Variants in SH3PXD2B observed in about 807,000 individuals in gnomAD.
SH3PXD2B encodes SH3 and PX domains 2B.
A neutral mutation model predicts 73.1 loss-of-function variants in SH3PXD2B; 37 were observed. That is an observed-to-expected ratio of 0.51 (90% CI 0.39 to 0.67). SH3PXD2B has a LOEUF of 0.67. Ranked by LOEUF, SH3PXD2B falls within the 30% of genes least tolerant of loss-of-function variation. The probability of loss-of-function intolerance (pLI) is 0.00; values close to 1 mark genes in which losing one functional copy is unlikely to be tolerated. For synonymous variants in SH3PXD2B, 457 were observed against 480.5 expected (o/e 0.95, Z 0.64); for missense variants, 1,053 against 1,197.8 (o/e 0.88, Z 1.78).
chr5:172,406,346 T>A lies in SH3PXD2B; in HGVS notation c.163A>T (p.Met55Leu), dbSNP rs776875653. 2 of 1,614,070 alleles carry A rather than the reference T, an allele frequency of 1.2e-6. No individual in the cohort carries two copies. The highest frequency in any genetic ancestry group is 3.3e-5 in the Admixed American group (2 of 60,010). Residue 55 changes from methionine (M) to leucine (L), a missense_variant, in exon 3 of 13, where the codon ATG becomes TTG. By Grantham distance (15) the Met-to-Leu change is conservative. This residue lies in a region of SH3PXD2B where 466 missense variants were observed against 607.1 expected (regional missense o/e 0.77). Coordinates refer to ENST00000311601, the MANE Select transcript of SH3PXD2B (RefSeq NM_001017995.3). ...CCTTCCATGGGAAATTTGTCCAACA[T>A]CTGCATCTAAGTGGGGGGCGAATAC... ...YSKFFDLQMQMLDKFPMEGGQ... is the reference protein window; with the variant it reads ...YSKFFDLQMQLLDKFPMEGGQ...
In SH3PXD2B at chr5:172,348,691, CTAT is replaced by C. The variant is rs1435204816; in HGVS notation, c.1013-1362_1013-1360del. Among the ~76,000 whole-genome samples the C allele has an allele frequency of 6.5e-3, 261 of 40,438 alleles. 2 individuals carry two copies. The highest frequency in any genetic ancestry group is 0.038 in the South Asian group (18 of 478). The allele number at this position is 40,438 out of a possible 152,430, so 26.5% of individuals were successfully genotyped here. Reference sequence around the variant, plus strand: ...TCTATCTATCTATCTATCTATCTATCTATCTATCTATCTATCTATTTATTTATT... The same window carrying C: ...TCTATCTATCTATCTATCTATCTATCCTATCTATCTATCTATTTATTTATT... On this transcript the variant is annotated intron_variant, in intron 10 of 12. Transcript: ENST00000311601.
At chr5:172,418,776 A>C (rs149958901) in intron 2 of SH3PXD2B, among the ~76,000 whole-genome samples, 1 of 152,320 alleles carries the variant, frequency 6.6e-6, no homozygotes, top group South Asian at 2.1e-4. Context: ...GCCTTAGACA[A>C]CTTTGTTACA....
intron 3 of SH3PXD2B, among the ~76,000 whole-genome samples, chr5:172,401,568 T>C (rs1263448834): frequency 1.3e-5 from 2 of 152,164 alleles, no homozygotes; most frequent in Non-Finnish European, 2.9e-5. Context: ...CAAGCCTTCA[T>C]CGCCATGGCA....
In SH3PXD2B at chr5:172,421,500, C is replaced by T. The variant is rs1229515649; in HGVS notation, c.156+916G>A. Among the ~76,000 whole-genome samples, 1 of 152,130 alleles carries T rather than the reference C, an allele frequency of 6.6e-6. No individual in the cohort carries two copies. The highest frequency in any genetic ancestry group is 3.2e-3 in the Middle Eastern group (1 of 316). ...GGAAGAGAAAGATGTGGTTCTGGCCCACAATAGTCACAGTCTAGGCAGGGA... is the reference window on the plus strand; with the variant it reads ...GGAAGAGAAAGATGTGGTTCTGGCCTACAATAGTCACAGTCTAGGCAGGGA... On this transcript the variant is annotated intron_variant, in intron 2 of 12. Coordinates refer to ENST00000311601, the MANE Select transcript of SH3PXD2B (RefSeq NM_001017995.3). The surrounding 1 kb of genome is among the most constrained non-coding windows in gnomAD (Gnocchi z 4.0).
Position 172,449,498 on chromosome 5 carries a change from A to T in SH3PXD2B, c.75+4780T>A, listed in dbSNP as rs963723917. Among the ~76,000 whole-genome samples the T allele has an allele frequency of 1.0e-3, 159 of 152,374 alleles. 1 individual carries two copies. The highest frequency in any genetic ancestry group is 1.0e-4 in the Non-Finnish European group (7 of 68,036). The stretch of plus-strand genomic sequence containing the variant: ...AACAAAAAACTAATGTAATTACCTG[A>T]AGGATTAGTATCCCAAATGTATAAA... On this transcript the variant is annotated intron_variant, in intron 1 of 12. Coordinates refer to ENST00000311601, the MANE Select transcript of SH3PXD2B (RefSeq NM_001017995.3).
intron 1 of SH3PXD2B, among the ~76,000 whole-genome samples, chr5:172,440,954 C>T (rs1759539686): frequency 6.6e-6 from 1 of 152,288 alleles, no homozygotes; most frequent in Non-Finnish European, 1.5e-5. Flanking sequence ...GTGCCTGTAA[C>T]ACCCCTGGTA....
chr5:172,336,178 A>C lies in SH3PXD2B; in HGVS notation c.*2191T>G. 1 of 985,842 alleles carries C rather than the reference A, an allele frequency of 1.0e-6. No homozygotes were observed. Among genetic ancestry groups the C allele is most frequent in the African/African-American group, 1.7e-5 (1 of 57,392 alleles). The allele number at this position is 985,842 out of a possible 1,614,324, so 61.1% of individuals were successfully genotyped here. ...ACAAAGTATCTGAAAGCGTCGCTGAAAGGCAAAGAGCAAATCAGAAAAAAA... is the reference window on the plus strand; with the variant it reads ...ACAAAGTATCTGAAAGCGTCGCTGACAGGCAAAGAGCAAATCAGAAAAAAA... On this transcript the variant is annotated 3_prime_UTR_variant, in exon 13 of 13. Transcript: ENST00000311601.
Position 172,335,392 on chromosome 5 carries a change from G to A in SH3PXD2B, c.*2977C>T. 1 of 1,224,400 alleles carries A rather than the reference G, an allele frequency of 8.2e-7. No homozygotes were observed. Among genetic ancestry groups the A allele is most frequent in the Non-Finnish European group, 1.0e-6 (1 of 984,008 alleles). 75.8% of individuals were successfully genotyped at this position (1,224,400 alleles called of 1,614,324 possible). On this transcript the variant is annotated 3_prime_UTR_variant, in exon 13 of 13. Transcript: ENST00000311601. ...GCCCTCCGCACACTTCCCTGCTAAT[G>A]GCAGAGAAAAGTCATGGACACGAGG... is the stretch of plus-strand genomic sequence containing the variant.
At chr5:172,384,729 C>T (rs990642088) in intron 4 of SH3PXD2B, among the ~76,000 whole-genome samples, 1 of 152,224 alleles carries the variant, frequency 6.6e-6, no homozygotes, top group African/African-American at 2.4e-5. Flanking sequence ...TGTCTGGATA[C>T]ACCGCATTTT....
intron 4 of SH3PXD2B, among the ~76,000 whole-genome samples, chr5:172,393,988 A>G (rs1469161430): frequency 6.6e-6 from 1 of 151,994 alleles, no homozygotes; most frequent in Non-Finnish European, 1.5e-5. Context: ...TCTGTTGCCC[A>G]GGTGGGAGTG....
chr5:172,352,370 G>T (rs189639567), intron 9 of SH3PXD2B, among the ~76,000 whole-genome samples: 7 of 152,036 alleles, frequency 4.6e-5, no homozygotes, highest in Admixed American at 2.0e-4. Context: ...GACTACAGGC[G>T]TGCATCACCA....
rs558484571 is a variant in SH3PXD2B, at chr5:172,397,054, C to T, written c.233-2415G>A. On this transcript the variant is annotated intron_variant, in intron 3 of 12. Coordinates refer to ENST00000311601, the MANE Select transcript of SH3PXD2B (RefSeq NM_001017995.3). ...GGCGGAACAGAGCCATATTTCTCTT[C>T]TTTCAAAAGCAAATAGGAGAAATAT... is the stretch of plus-strand genomic sequence containing the variant. Among the ~76,000 whole-genome samples the T allele has an allele frequency of 2.6e-5, 4 of 152,310 alleles. No homozygotes were observed. The East Asian group carries it at 7.7e-4, about 29-fold the overall frequency.
At chr5:172,326,072 C>T (rs1756442285) in intron 12 of SH3PXD2B, among the ~76,000 whole-genome samples, 1 of 152,192 alleles carries the variant, frequency 6.6e-6, no homozygotes, top group Admixed American at 6.5e-5. Context: ...CAGGCGTGAG[C>T]CACCGCGCCT....
At chr5:172,440,594 G>A (rs1486284586) in intron 1 of SH3PXD2B, among the ~76,000 whole-genome samples, 4 of 152,240 alleles carry the variant, frequency 2.6e-5, no homozygotes, top group Non-Finnish European at 5.9e-5. Flanking sequence ...AGTCAAGACA[G>A]TTCAAACCCG....
chr5:172,409,331 G>T (rs1029323053), intron 2 of SH3PXD2B, among the ~76,000 whole-genome samples: 6 of 150,974 alleles, frequency 4.0e-5, no homozygotes, highest in Admixed American at 3.9e-4. Flanking sequence ...GCAGCGAGCC[G>T]AGACCGCGCC....
In SH3PXD2B at chr5:172,341,817, A is replaced by ATT. The variant is rs35817977; in HGVS notation, c.1189-1903_1189-1902dup. Among the ~76,000 whole-genome samples, 341 of 145,048 alleles carry ATT rather than the reference A, an allele frequency of 2.4e-3. 4 individuals carry two copies. The highest frequency in any genetic ancestry group is 8.2e-3 in the African/African-American group (328 of 39,782). On this transcript the variant is annotated intron_variant, in intron 12 of 12. Transcript: ENST00000311601. Reference sequence around the variant, plus strand: ...AGGCGCCTGCCACCGTGCCCGGCTAATTTTTTTTTTTTTGTATTTTTAGTA... The same window carrying ATT: ...AGGCGCCTGCCACCGTGCCCGGCTAATTTTTTTTTTTTTTTGTATTTTTAGTA...
chr5:172,329,008 CATAT>C (rs929655947), downstream of SH3PXD2B, among the ~76,000 whole-genome samples: 2 of 140,080 alleles, frequency 1.4e-5, no homozygotes, highest in African/African-American at 2.7e-5. Context: ...TAGATACACA[CATAT>C]ATATACATAT....
intron 6 of SH3PXD2B, among the ~76,000 whole-genome samples, chr5:172,364,547 C>T (rs577531967): frequency 6.6e-6 from 1 of 152,150 alleles, no homozygotes; most frequent in African/African-American, 2.4e-5. Context: ...CGCCTGTAGT[C>T]CCAGCTACTC....
At chr5:172,380,274 T>C (rs1757914127) in intron 5 of SH3PXD2B, among the ~76,000 whole-genome samples, 1 of 152,176 alleles carries the variant, frequency 6.6e-6, no homozygotes, top group Non-Finnish European at 1.5e-5. Flanking sequence ...TTGCTCAGGC[T>C]GGTCTTGAAC....
Sources: gnomAD v4.1 joint callset for allele counts (sites outside exome capture counted in the v4.1 genomes callset) on GRCh38, gnomAD v4.1.1 for gene constraint, gnomAD v4.1.1 regional missense constraint, Gnocchi (gnomAD v3.1) non-coding constraint, MANE v1.5 for transcripts, NCBI Gene and HGNC (gene_info 2026-07-23, HGNC 2026-07-21) for gene names.